PAN3: variants seen among roughly 807,000 people sequenced by gnomAD.
The protein encoded by PAN3 is PAN2-PAN3 deadenylation complex subunit PAN3.
In PAN3, 19 loss-of-function variants were observed where a neutral mutation model predicts 96.2. That is an observed-to-expected ratio of 0.20 (90% CI 0.14 to 0.29). The LOEUF is 0.29. Among genes scored for constraint, PAN3 ranks in the 10% least tolerant of loss-of-function variants. PAN3 has a pLI of 1.00. For missense variants in PAN3, 882 were observed against 1,108.1 expected, an observed-to-expected ratio of 0.80 and a Z score of 2.90; for synonymous variants, 433 against 406.6, an observed-to-expected ratio of 1.06 and a Z score of -0.78.
At chr13:28,169,222 C>CTTTTTTTTTTTTTTTT (rs202200725) in intron 1 of PAN3, among the ~76,000 whole-genome samples, 59 of 74,996 alleles carry the variant, frequency 7.9e-4, no homozygotes, top group South Asian at 1.7e-3. Flanking sequence ...TTTTTGTTTG[C>CTTTTTTTTTTTTTTTT]TTTTTTTTTT....
chr13:28,161,786 A>G (rs1450616092), intron 1 of PAN3, among the ~76,000 whole-genome samples: 1 of 152,190 alleles, frequency 6.6e-6, no homozygotes, highest in East Asian at 1.9e-4. Flanking sequence ...CTGTTTTCTG[A>G]CAGTTTGACT....
chr13:28,215,662 A>G, intron 5 of PAN3: 2 of 1,443,048 alleles, frequency 1.4e-6, no homozygotes, highest in East Asian at 2.5e-5. Flanking sequence ...CATTTTGGTA[A>G]TAAGCTGGAA....
intron 6 of PAN3, among the ~76,000 whole-genome samples, chr13:28,224,017 C>T (rs904457691): frequency 1.3e-5 from 2 of 151,246 alleles, no homozygotes; most frequent in African/African-American, 4.9e-5. Flanking sequence ...TACAGGCGCC[C>T]GCCACCGCGC....
chr13:28,262,125 C>T (rs1490803348), intron 9 of PAN3, among the ~76,000 whole-genome samples: 1 of 152,172 alleles, frequency 6.6e-6, no homozygotes, highest in South Asian at 2.1e-4. Flanking sequence ...TCACAAACAT[C>T]CTGTGACATA....
intron 6 of PAN3, among the ~76,000 whole-genome samples, chr13:28,238,579 A>G (rs1281349874): frequency 6.6e-6 from 1 of 152,202 alleles, no homozygotes; most frequent in African/African-American, 2.4e-5. Flanking sequence ...TGAGAAAGAT[A>G]TATTTTAATT....
intron 15 of PAN3, among the ~76,000 whole-genome samples, chr13:28,278,265 G>GA (rs1887214634): frequency 6.6e-6 from 1 of 152,222 alleles, no homozygotes; most frequent in Non-Finnish European, 1.5e-5. Flanking sequence ...TCCTACTTGT[G>GA]ACAGCACTAG....
At chr13:28,186,461 C>T (rs974223298) in intron 4 of PAN3, among the ~76,000 whole-genome samples, 3 of 152,176 alleles carry the variant, frequency 2.0e-5, no homozygotes, top group African/African-American at 4.8e-5. Context: ...GAATTAAATA[C>T]ATTAATGGAT....
At chr13:28,287,627 A>C (rs925210799) in intron 17 of PAN3, among the ~76,000 whole-genome samples, 2 of 152,252 alleles carry the variant, frequency 1.3e-5, no homozygotes, top group African/African-American at 4.8e-5. Flanking sequence ...GGTGAAGTAG[A>C]AGATGTACCT....
rs71086837 is a variant in PAN3 at position 28,206,315 on chromosome 13, C to CTTT, written c.852+8991_852+8993dup. ...GTTTTTGATAAGATCGTCTAACTGA[C>CTTT]TTTTTTTTTTTTTTTTTTTTTTTTG... On this transcript the variant is annotated intron_variant, in intron 5 of 18. Coordinates refer to ENST00000380958, the MANE Select transcript of PAN3 (RefSeq NM_175854.8). Among the ~76,000 whole-genome samples, 419 of 94,898 alleles carry CTTT rather than the reference C, an allele frequency of 4.4e-3. 7 individuals are homozygous for CTTT. Among genetic ancestry groups the CTTT allele is most frequent in the African/African-American group, 5.5e-3 (129 of 23,304 alleles). The allele number at this position is 94,898 out of a possible 152,430, so 62.3% of individuals were successfully genotyped here.
intron 12 of PAN3, among the ~76,000 whole-genome samples, chr13:28,267,967 T>C (rs2138655362): frequency 6.6e-6 from 1 of 152,348 alleles, no homozygotes; most frequent in East Asian, 1.9e-4. Context: ...TTTGCATATT[T>C]ACTAAGATAA....
At chr13:28,178,980 A>AG (rs1246814558) in intron 4 of PAN3, among the ~76,000 whole-genome samples, 8 of 151,744 alleles carry the variant, frequency 5.3e-5, no homozygotes, top group Admixed American at 3.3e-4. Context: ...TTTTCTTAAG[A>AG]GAAAAAAAAG....
At chr13:28,287,066 CT>C (rs1341839855) in intron 17 of PAN3, among the ~76,000 whole-genome samples, 1 of 152,088 alleles carries the variant, frequency 6.6e-6, no homozygotes, top group Non-Finnish European at 1.5e-5. Flanking sequence ...CTTTTCTTCT[CT>C]TTTCTCCCCC....
At chr13:28,230,328 C>T (rs1300974886) in intron 6 of PAN3, among the ~76,000 whole-genome samples, 1 of 151,478 alleles carries the variant, frequency 6.6e-6, no homozygotes, top group Admixed American at 6.6e-5. Context: ...GTTACTATAA[C>T]TTTTAGTTTT....
intron 14 of PAN3, among the ~76,000 whole-genome samples, chr13:28,274,083 G>A (rs554818153): frequency 6.6e-6 from 1 of 152,198 alleles, no homozygotes; most frequent in East Asian, 1.9e-4. Flanking sequence ...CCCTCTGCTT[G>A]TGCCCACCTA....
chr13:28,204,386 A>G (rs1306453662), intron 5 of PAN3, among the ~76,000 whole-genome samples: 1 of 152,148 alleles, frequency 6.6e-6, no homozygotes, highest in East Asian at 1.9e-4. Flanking sequence ...ATATTTTATC[A>G]CCTGTCCTAC....
chr13:28,158,578 G>GA, intron 1 of PAN3, among the ~76,000 whole-genome samples: 1 of 152,276 alleles, frequency 6.6e-6, no homozygotes, highest in African/African-American at 2.4e-5. Flanking sequence ...ATGAGCATAT[G>GA]AAAAAATGCT....
intron 4 of PAN3, among the ~76,000 whole-genome samples, chr13:28,191,835 G>C (rs1877296781): frequency 6.6e-6 from 1 of 151,954 alleles, no homozygotes. Context: ...GACCTCCTGG[G>C]CTCAAGCGAT....
At chr13:28,144,203 G>GTTTTTTTT (rs1447465484) in intron 1 of PAN3, among the ~76,000 whole-genome samples, 4 of 128,980 alleles carry the variant, frequency 3.1e-5, no homozygotes, top group African/African-American at 1.2e-4. Context: ...GTTTCGATAA[G>GTTTTTTTT]TTTTTTTGTT....
At chr13:28,247,186 T>C (rs1165133179) in intron 6 of PAN3, among the ~76,000 whole-genome samples, 1 of 152,182 alleles carries the variant, frequency 6.6e-6, no homozygotes, top group Non-Finnish European at 1.5e-5. Context: ...TGGACTTTTT[T>C]CATATAACTT....
Sources: allele counts gnomAD v4.1 joint callset (sites outside exome capture counted in the v4.1 genomes callset), GRCh38; gene constraint gnomAD v4.1.1; transcripts MANE v1.5; gene names NCBI Gene and HGNC (gene_info 2026-07-23, HGNC 2026-07-21).